PIGN: variants seen among roughly 807,000 people sequenced by gnomAD.
PIGN encodes the protein phosphatidylinositol glycan anchor biosynthesis class N, also known as GPI ethanolamine phosphate transferase 1.
Under a neutral mutation model 125.4 loss-of-function variants are expected in PIGN, and 117 were observed. That is an observed-to-expected ratio of 0.93 (90% CI 0.80 to 1.09). PIGN has a LOEUF of 1.09. PIGN is among the 50% of genes least tolerant of loss of function. The probability of loss-of-function intolerance (pLI) is 0.00; values close to 1 mark genes in which losing one functional copy is unlikely to be tolerated. For synonymous variants in PIGN, 392 were observed against 377.8 expected (o/e 1.04, Z -0.44); for missense variants, 1,075 against 1,094.9 (o/e 0.98, Z 0.26).
chr18:62,082,917 C>A (rs767040591), intron 27 of PIGN, among the ~76,000 whole-genome samples, 171 bp from the exon 28 acceptor site: 3 of 151,972 alleles, frequency 2.0e-5, no homozygotes, highest in Non-Finnish European at 2.9e-5. Context: ...GCACATAGAA[C>A]GGTGATGAAA....
chr18:62,075,131 A>G, intron 28 of PIGN: 1 of 256,150 alleles, frequency 3.9e-6, no homozygotes, highest in Non-Finnish European at 7.6e-6. Context: ...GAAATAATAC[A>G]GAGGGATCCT....
At chr18:62,022,418 C>T (rs188884937) in intron 23 of PIGN, among the ~76,000 whole-genome samples, 1 of 152,282 alleles carries the variant, frequency 6.6e-6, no homozygotes, top group African/African-American at 2.4e-5. Context: ...CCATTTTTGT[C>T]AAGCCACACC....
intron 23 of PIGN, among the ~76,000 whole-genome samples, chr18:62,091,153 T>C (rs1599495807): frequency 6.6e-6 from 1 of 151,954 alleles, no homozygotes; most frequent in African/African-American, 2.4e-5. Flanking sequence ...TCGAGACCAG[T>C]CTGGCCAGCA....
intron 6 of PIGN, among the ~76,000 whole-genome samples, chr18:62,155,157 T>TTG: frequency 6.6e-6 from 1 of 152,298 alleles, no homozygotes; most frequent in African/African-American, 2.4e-5. Context: ...ATATTGCTTA[T>TTG]TGCCAAAGAG....
rs1811022217 is a variant in PIGN at position 62,044,463 on chromosome 18, G to C, written c.*1393C>G. The stretch of plus-strand genomic sequence containing the variant: ...TCTTAGTTGTCCAGCTAGATTTTAT[G>C]CTATGAACTGATGCATGAGATTTCA... On this transcript the variant is annotated 3_prime_UTR_variant, in exon 31 of 31. Transcript: ENST00000640252. 1.3e-5 allele frequency: 2 copies of C among 152,144 alleles called. No homozygotes were observed. The highest frequency in any genetic ancestry group is 6.5e-5 in the Admixed American group (1 of 15,272). 9.4% of individuals were successfully genotyped at this position (152,144 alleles called of 1,614,324 possible). A position where few individuals can be genotyped will look rare whatever the true frequency, so the allele number is the denominator to read the frequency against.
chr18:62,163,758 A>G (rs1250916067), intron 1 of PIGN, 102 bp from the exon 2 acceptor site: 1 of 152,194 alleles, frequency 6.6e-6, no homozygotes, highest in Non-Finnish European at 1.5e-5. Context: ...ATATATTCAC[A>G]GTGTTGTACA....
intron 30 of PIGN, among the ~76,000 whole-genome samples, chr18:62,050,958 T>A (rs148534414): frequency 0.31 from 45,773 of 149,398 alleles, 8,141 homozygotes; most frequent in East Asian, 0.62. Context: ...ATTGAGATAA[T>A]CATGTGGTTT....
chr18:62,080,584 T>C (rs1355257028), intron 28 of PIGN, among the ~76,000 whole-genome samples: 1 of 152,192 alleles, frequency 6.6e-6, no homozygotes, highest in Non-Finnish European at 1.5e-5. Flanking sequence ...ACATATCTCC[T>C]TGCCTTTTTC....
chr18:62,117,958 T>C (rs2035152798), intron 14 of PIGN, among the ~76,000 whole-genome samples: 3 of 152,092 alleles, frequency 2.0e-5, no homozygotes, highest in Admixed American at 2.0e-4. Context: ...ATATATACCA[T>C]ATTTTCTTTA....
At chr18:62,083,193 T>C (rs1371931211) in intron 27 of PIGN, among the ~76,000 whole-genome samples, 1 of 152,094 alleles carries the variant, frequency 6.6e-6, no homozygotes, top group Non-Finnish European at 1.5e-5. Context: ...TTCAGCTTCT[T>C]AATCTTTGCC....
intron 1 of PIGN, among the ~76,000 whole-genome samples, chr18:62,183,128 G>A (rs2037775127): frequency 1.3e-5 from 2 of 152,116 alleles, no homozygotes; most frequent in South Asian, 4.1e-4. Context: ...ATAACTATGT[G>A]TAAGGTAATG....
intron 28 of PIGN, among the ~76,000 whole-genome samples, chr18:62,076,527 CT>C (rs1189324412): frequency 6.6e-6 from 1 of 152,088 alleles, no homozygotes; most frequent in East Asian, 1.9e-4. Flanking sequence ...TCAATTTTTC[CT>C]TTAATGGGTT....
At position 62,045,833 on chromosome 18, in the gene PIGN, T is replaced by G. The variant is rs374896802; in HGVS notation, c.*23A>C. ...CTTAAAAGGAGAATCAGGATCCAGA[T>G]GCTGAATGGTGCTTCAGCAACCTCA... On this transcript the variant is annotated 3_prime_UTR_variant, in exon 31 of 31. Transcript: ENST00000640252. 122 of 1,612,510 alleles carry G rather than the reference T, an allele frequency of 7.6e-5. 2 individuals are homozygous for G. In the East Asian group the frequency reaches 9.4e-4, roughly 12 times the overall value.
chr18:62,181,680 G>A (rs1355956158), intron 1 of PIGN, among the ~76,000 whole-genome samples: 10 of 152,044 alleles, frequency 6.6e-5, no homozygotes, highest in African/African-American at 2.4e-4. Flanking sequence ...CTAAAGTGCT[G>A]GGATTACAGG....
chr18:62,134,014 C>G (rs1368209668), intron 14 of PIGN, among the ~76,000 whole-genome samples: 2 of 152,054 alleles, frequency 1.3e-5, no homozygotes, highest in Admixed American at 6.6e-5. Context: ...TTTGTTGACC[C>G]CTTGTTGTCT....
chr18:62,079,780 C>CA (rs2033360292), intron 28 of PIGN, among the ~76,000 whole-genome samples: 1 of 147,464 alleles, frequency 6.8e-6, no homozygotes, highest in Non-Finnish European at 1.5e-5. Flanking sequence ...ACAAATAACA[C>CA]AAAAAGTTTC....
At chr18:62,186,063 T>C (rs1225340674) in intron 1 of PIGN, among the ~76,000 whole-genome samples, 1 of 104,672 alleles carries the variant, frequency 9.6e-6, no homozygotes, top group Non-Finnish European at 2.1e-5. Context: ...TTTTTTTTTT[T>C]TTTTTGAGAC....
intron 30 of PIGN, among the ~76,000 whole-genome samples, chr18:62,050,254 A>G (rs1170417505): frequency 3.3e-5 from 5 of 152,112 alleles, no homozygotes; most frequent in South Asian, 4.1e-4. Flanking sequence ...TTGGTAGCTT[A>G]ATGGGGATGG....
intron 1 of PIGN, among the ~76,000 whole-genome samples, chr18:62,165,834 G>A (rs749878119): frequency 2.6e-5 from 4 of 152,176 alleles, no homozygotes; most frequent in African/African-American, 7.2e-5. Flanking sequence ...TGGAGTTCTT[G>A]TTAACTTTAT....
Sources: gnomAD v4.1 joint callset for allele counts (sites outside exome capture counted in the v4.1 genomes callset) on GRCh38, gnomAD v4.1.1 for gene constraint, MANE v1.5 for transcripts, NCBI Gene and HGNC (gene_info 2026-07-23, HGNC 2026-07-21) for gene names.